IFI16: variants seen among roughly 807,000 people sequenced by gnomAD.
The protein encoded by IFI16 is interferon gamma inducible protein 16, also known as gamma-interferon-inducible protein 16.
A neutral mutation model predicts 68.4 loss-of-function variants in IFI16; 49 were observed. The observed-to-expected ratio is 0.72, with a 90% CI of 0.57 to 0.91. The LOEUF (loss-of-function observed/expected upper bound fraction) is 0.91. Among genes scored for constraint, IFI16 ranks in the 40% least tolerant of loss-of-function variants. The pLI is 0.00. For missense variants in IFI16, 878 were observed against 942.9 expected, an observed-to-expected ratio of 0.93 and a Z score of 0.90; for synonymous variants, 307 against 315.0, an observed-to-expected ratio of 0.97 and a Z score of 0.27.
At chr1:159,037,057 A>G (rs947889455) in intron 7 of IFI16, among the ~76,000 whole-genome samples, 5 of 152,192 alleles carry the variant, frequency 3.3e-5, no homozygotes, top group Admixed American at 2.0e-4. Flanking sequence ...GACAGAGGCT[A>G]TGCCTAGTGA....
At chr1:159,008,651 T>C (rs1652361744), upstream of IFI16, among the ~76,000 whole-genome samples, 1 of 152,200 alleles carries the variant, frequency 6.6e-6, no homozygotes, top group African/African-American at 2.4e-5. Context: ...CTCTACCTAC[T>C]GCCTTAAGGC....
intron 6 of IFI16, 158 bp from the exon 7 acceptor site, chr1:159,032,366 A>T: frequency 2.3e-6 from 1 of 426,408 alleles, no homozygotes; most frequent in Non-Finnish European, 4.0e-6. Context: ...CAAAAAAAAT[A>T]TTCTGACAAT....
chr1:159,019,750 C>T (rs888241269), intron 5 of IFI16, among the ~76,000 whole-genome samples: 7 of 152,186 alleles, frequency 4.6e-5, no homozygotes, highest in Middle Eastern at 3.4e-3. Context: ...TGAGCCATTG[C>T]GCATGGCCTA....
At chr1:159,046,802 T>A (rs1293832806) in intron 8 of IFI16, among the ~76,000 whole-genome samples, 1 of 151,342 alleles carries the variant, frequency 6.6e-6, no homozygotes, top group African/African-American at 2.4e-5. Flanking sequence ...TAGATCATAT[T>A]TTCTCATTGT....
At chr1:159,042,884 T>TG (rs1654746970) in intron 7 of IFI16, among the ~76,000 whole-genome samples, 1 of 152,186 alleles carries the variant, frequency 6.6e-6, no homozygotes. Flanking sequence ...TCCAGCGTTA[T>TG]GGGGCCTATA....
rs536508217 is a variant in IFI16 at position 159,035,711 on chromosome 1, T to C, written c.1329+3020T>C. 4.0e-5 allele frequency among the ~76,000 whole-genome samples: 6 copies of C among 151,852 alleles called. No homozygotes were observed. The South Asian group carries it at 8.4e-4, about 21-fold the overall frequency. ...AAGATTTTCTCTATGGTATACGCTC[T>C]ATATTCATTGAGATTTAAAACAAAC... On this transcript the variant is annotated intron_variant, in intron 7 of 11. Transcript: ENST00000295809.
upstream of IFI16, among the ~76,000 whole-genome samples, chr1:159,005,578 C>T (rs1652223486): frequency 6.6e-6 from 1 of 152,152 alleles, no homozygotes; most frequent in Non-Finnish European, 1.5e-5. Context: ...ATGGCATTAG[C>T]TTTGAGCAAC....
intron 9 of IFI16, among the ~76,000 whole-genome samples, chr1:159,051,023 CTG>C (rs754750140): frequency 9.2e-5 from 14 of 152,270 alleles, no homozygotes; most frequent in African/African-American, 1.4e-4. Flanking sequence ...ATTCCTTACT[CTG>C]AATGCTAGTA....
At position 159,052,108 on chromosome 1, in the gene IFI16, C is replaced by G. The variant is rs373361577; in HGVS notation, c.2085+10C>G. 1.2e-5 allele frequency: 19 copies of G among 1,586,130 alleles called. No individual in the cohort carries two copies. The highest frequency in any genetic ancestry group is 1.6e-5 in the Non-Finnish European group (19 of 1,167,700). ...GTTTGAGGTACATAAGGTAAGCCCA[C>G]ACCATTGTTTTATAAAATTTCTCCT... On this transcript the variant is annotated intron_variant, in intron 10 of 11. Coordinates refer to ENST00000295809, the MANE Select transcript of IFI16 (RefSeq NM_001376587.1).
At chr1:159,021,998 C>T (rs79652104) in intron 6 of IFI16, among the ~76,000 whole-genome samples, 13 of 110,588 alleles carry the variant, frequency 1.2e-4, no homozygotes, top group South Asian at 3.2e-4. Flanking sequence ...GAGTCTTGCT[C>T]TTTTGCCCAG....
At chr1:159,047,756 C>T (rs1407352466) in intron 8 of IFI16, among the ~76,000 whole-genome samples, 1 of 147,648 alleles carries the variant, frequency 6.8e-6, no homozygotes, top group African/African-American at 2.5e-5. Context: ...ATCACAGCTT[C>T]TCCCAAGTAG....
chr1:159,003,622 T>G (rs1281522371), upstream of IFI16, among the ~76,000 whole-genome samples: 1 of 148,902 alleles, frequency 6.7e-6, no homozygotes, highest in Non-Finnish European at 1.5e-5. Flanking sequence ...ACCATAAACT[T>G]CTCCTATCTT....
upstream of IFI16, among the ~76,000 whole-genome samples, chr1:159,005,460 C>T (rs921275043): frequency 5.9e-5 from 9 of 152,312 alleles, no homozygotes; most frequent in South Asian, 2.1e-4. Flanking sequence ...TATGCATTCA[C>T]TCTCCTCTCC....
chr1:159,016,730 G>A (rs778337259), intron 4 of IFI16, 30 bp downstream of exon 4: 7 of 1,583,906 alleles, frequency 4.4e-6, no homozygotes, highest in Non-Finnish European at 6.0e-6. Context: ...ATTTTGCTTT[G>A]TTTTTTTCAA....
chr1:159,043,010 GCC>G (rs1399588510), intron 7 of IFI16, among the ~76,000 whole-genome samples: 2 of 152,166 alleles, frequency 1.3e-5, no homozygotes, highest in African/African-American at 4.8e-5. Flanking sequence ...TCTCACCCAA[GCC>G]CCAAGCTGCC....
chr1:159,015,752 G>A, intron 2 of IFI16, 120 bp from the exon 3 acceptor site: 2 of 713,856 alleles, frequency 2.8e-6, no homozygotes, highest in Non-Finnish European at 4.9e-6. Context: ...CTAAAGCACA[G>A]CTGAACCCTC....
At chr1:159,035,110 T>A (rs72709518) in intron 7 of IFI16, among the ~76,000 whole-genome samples, 1 of 152,232 alleles carries the variant, frequency 6.6e-6, no homozygotes, top group Non-Finnish European at 1.5e-5. Flanking sequence ...CCAGCCACCA[T>A]GTACACATCC....
At chr1:159,021,613 T>TA (rs1255893378) in intron 6 of IFI16, among the ~76,000 whole-genome samples, 1 of 152,214 alleles carries the variant, frequency 6.6e-6, no homozygotes, top group Non-Finnish European at 1.5e-5. Flanking sequence ...TCTGGGTAGA[T>TA]ACCCAGTAGT....
intron 9 of IFI16, among the ~76,000 whole-genome samples, chr1:159,050,744 G>T (rs1655304325): frequency 6.6e-6 from 1 of 151,552 alleles, no homozygotes; most frequent in African/African-American, 2.4e-5. Flanking sequence ...GGAGACAGGA[G>T]GTTAAAGAAA....
Sources: allele counts gnomAD v4.1 joint callset (sites outside exome capture counted in the v4.1 genomes callset), GRCh38; gene constraint gnomAD v4.1.1; transcripts MANE v1.5; gene names NCBI Gene and HGNC (gene_info 2026-07-23, HGNC 2026-07-21).